The following PTPRN2 variants were observed in gnomAD, a reference collection of about 807,000 sequenced individuals.
The protein encoded by PTPRN2 is receptor-type tyrosine-protein phosphatase N2.
PTPRN2 carries 74 observed loss-of-function variants against 118.8 expected under a neutral mutation model. The ratio of observed to expected loss-of-function variants is 0.62; its 90% CI spans 0.52 to 0.76. The LOEUF is 0.76. Ranked by LOEUF, PTPRN2 falls within the 30% of genes least tolerant of loss-of-function variation. PTPRN2 has a pLI of 0.00. For synonymous variants in PTPRN2, 641 were observed against 608.0 expected (o/e 1.05, Z -0.80); for missense variants, 1,481 against 1,394.4 (o/e 1.06, Z -0.99).
intron 12 of PTPRN2, among the ~76,000 whole-genome samples, chr7:157,811,542 C>T (rs551531973): frequency 2.0e-5 from 3 of 151,938 alleles, no homozygotes; most frequent in Non-Finnish European, 2.9e-5. Context: ...ATCCTAAGAA[C>T]CCTGGCCAAA....
chr7:157,870,969 G>A (rs1159176643), intron 12 of PTPRN2, among the ~76,000 whole-genome samples: 1 of 152,242 alleles, frequency 6.6e-6, no homozygotes, highest in Admixed American at 6.5e-5. Context: ...TTGGGGATTG[G>A]ATGGCCTGGC....
intron 12 of PTPRN2, among the ~76,000 whole-genome samples, chr7:157,827,042 G>A (rs143156695): frequency 3.2e-4 from 48 of 152,170 alleles, no homozygotes; most frequent in Middle Eastern, 3.4e-3. Context: ...ATGCTTCCTT[G>A]GTCAAAACAC....
chr7:158,263,287 G>T (rs995248846), intron 3 of PTPRN2, among the ~76,000 whole-genome samples: 2 of 152,142 alleles, frequency 1.3e-5, no homozygotes, highest in Non-Finnish European at 2.9e-5. Flanking sequence ...TGCACTCACA[G>T]TCACATGTGC....
At chr7:157,807,084 A>G (rs1480282357) in intron 12 of PTPRN2, among the ~76,000 whole-genome samples, 1 of 152,228 alleles carries the variant, frequency 6.6e-6, no homozygotes, top group Non-Finnish European at 1.5e-5. Context: ...TGTCTTTGAC[A>G]TGATCTTCTG....
intron 10 of PTPRN2, among the ~76,000 whole-genome samples, chr7:158,108,424 T>C (rs1815870504): frequency 6.6e-6 from 1 of 152,160 alleles, no homozygotes; most frequent in South Asian, 2.1e-4. Flanking sequence ...ACTGGGTCCC[T>C]AAATGGCCTC....
chr7:158,371,423 A>G (rs7792315), intron 2 of PTPRN2, among the ~76,000 whole-genome samples: 100,162 of 152,056 alleles, frequency 0.66, 33,503 homozygotes, highest in East Asian at 0.83. Flanking sequence ...CTTATGTTTT[A>G]TTTGATTAAC....
intron 11 of PTPRN2, 58 bp downstream of exon 11, chr7:158,081,240 G>GC: frequency 6.8e-7 from 1 of 1,461,484 alleles, no homozygotes; most frequent in Non-Finnish European, 9.6e-7. Flanking sequence ...GTGTTTGCGT[G>GC]CGTGTGTGTG....
At chr7:157,725,323 TCGCCTCC>T (rs1799491910) in intron 12 of PTPRN2, among the ~76,000 whole-genome samples, 1 of 93,174 alleles carries the variant, frequency 1.1e-5, no homozygotes, top group Non-Finnish European at 2.0e-5. Context: ...GGCCAGACCC[TCGCCTCC>T]CAGGAGAACT....
At chr7:158,313,875 T>C (rs1050197492) in intron 3 of PTPRN2, among the ~76,000 whole-genome samples, 1 of 152,248 alleles carries the variant, frequency 6.6e-6, no homozygotes, top group Admixed American at 6.5e-5. Context: ...TGTTGGGGAA[T>C]TCGGGGCCAC....
chr7:158,146,196 C>A (rs541848334), intron 6 of PTPRN2, among the ~76,000 whole-genome samples: 154 of 152,240 alleles, frequency 1.0e-3, no homozygotes, highest in African/African-American at 3.7e-3. Context: ...GTCACACAAG[C>A]TGACAGGCAC....
At chr7:158,230,592 C>A (rs1460569381) in intron 3 of PTPRN2, among the ~76,000 whole-genome samples, 1 of 151,694 alleles carries the variant, frequency 6.6e-6, no homozygotes, top group Non-Finnish European at 1.5e-5. Flanking sequence ...TCAGTTATCT[C>A]TTTAAGATAA....
chr7:158,027,032 C>T (rs1171252194), intron 11 of PTPRN2, among the ~76,000 whole-genome samples: 1 of 152,220 alleles, frequency 6.6e-6, no homozygotes. Context: ...CACAGCACAC[C>T]TGCTCCTCCC....
chr7:158,414,558 A>T (rs1052904769), intron 2 of PTPRN2, among the ~76,000 whole-genome samples: 1 of 152,250 alleles, frequency 6.6e-6, no homozygotes, highest in African/African-American at 2.4e-5. Flanking sequence ...CATCAGAGCC[A>T]CCCACTGAGA....
chr7:157,879,069 T>TA (rs2151281605), intron 12 of PTPRN2, among the ~76,000 whole-genome samples: 2 of 134,814 alleles, frequency 1.5e-5, no homozygotes, highest in African/African-American at 2.8e-5. Flanking sequence ...CTCTCTCAGA[T>TA]TCCATGGGGC....
At chr7:158,146,261 G>C (rs1039655111) in intron 6 of PTPRN2, among the ~76,000 whole-genome samples, 1 of 151,996 alleles carries the variant, frequency 6.6e-6, no homozygotes, top group Admixed American at 6.6e-5. Context: ...ACTATTTTCT[G>C]CCAAAATATT....
At chr7:157,954,101 C>T (rs139210438) in intron 11 of PTPRN2, among the ~76,000 whole-genome samples, 5,425 of 150,712 alleles carry the variant, frequency 0.036, 131 homozygotes, top group African/African-American at 0.059. Flanking sequence ...GTGTGGTGCA[C>T]GTGTGCTGTG....
At chr7:158,096,896 G>T (rs897176940) in intron 10 of PTPRN2, among the ~76,000 whole-genome samples, 5 of 152,246 alleles carry the variant, frequency 3.3e-5, no homozygotes, top group African/African-American at 1.2e-4. Flanking sequence ...GTTTCTCACT[G>T]CGGGGGCTCT....
rs575033342 is a variant in PTPRN2 at position 157,648,940 on chromosome 7, A to G, written c.2196+7417T>C. ...CACTGTGCACTGAACTTGGTGGGTC[A>G]GACCCATCCAGTGTGCACTGAACTC... On this transcript the variant is annotated intron_variant, in intron 14 of 22. Coordinates refer to ENST00000389418, the MANE Select transcript of PTPRN2 (RefSeq NM_002847.5). Among the ~76,000 whole-genome samples, 59 of 126,224 alleles carry G rather than the reference A, an allele frequency of 4.7e-4. 1 individual carries two copies. The highest frequency in any genetic ancestry group is 1.2e-3 in the African/African-American group (41 of 33,218). 82.8% of individuals were successfully genotyped at this position (126,224 alleles called of 152,430 possible).
intron 3 of PTPRN2, among the ~76,000 whole-genome samples, chr7:158,295,245 C>T (rs1800407335): frequency 7.8e-5 from 1 of 12,854 alleles, no homozygotes; most frequent in Non-Finnish European, 2.2e-4. Flanking sequence ...TCTGCCCAGA[C>T]ACTGCGCCAC....
Sources: allele counts gnomAD v4.1 joint callset (sites outside exome capture counted in the v4.1 genomes callset), GRCh38; gene constraint gnomAD v4.1.1; transcripts MANE v1.5; gene names NCBI Gene and HGNC (gene_info 2026-07-23, HGNC 2026-07-21).